UBA6: variants seen among roughly 807,000 people sequenced by gnomAD.
The protein encoded by UBA6 is ubiquitin like modifier activating enzyme 6.
A neutral mutation model predicts 148.3 loss-of-function variants in UBA6; 87 were observed. The ratio of observed to expected loss-of-function variants is 0.59; its 90% CI spans 0.49 to 0.70. The LOEUF is 0.70. Among genes scored for constraint, UBA6 ranks in the 30% least tolerant of loss-of-function variants. The probability of loss-of-function intolerance (pLI) is 0.00; values close to 1 mark genes in which losing one functional copy is unlikely to be tolerated. For synonymous variants in UBA6, 376 were observed against 401.0 expected (o/e 0.94, Z 0.75); for missense variants, 1,186 against 1,241.2 (o/e 0.96, Z 0.67).
chr4:67,632,728 C>T (rs964652349), intron 23 of UBA6, among the ~76,000 whole-genome samples: 3 of 152,140 alleles, frequency 2.0e-5, no homozygotes, highest in Non-Finnish European at 2.9e-5. Context: ...GGTGTGGTGG[C>T]GTGCACATGC....
intron 29 of UBA6, 74 bp downstream of exon 29, chr4:67,624,920 G>T: frequency 8.1e-7 from 1 of 1,231,002 alleles, no homozygotes. Flanking sequence ...TGAGTGACTG[G>T]GTTGGTATGA....
chr4:67,695,360 T>C (rs1205616406), intron 2 of UBA6, among the ~76,000 whole-genome samples: 2 of 152,234 alleles, frequency 1.3e-5, no homozygotes, highest in African/African-American at 2.4e-5. Flanking sequence ...TAGAATGTTC[T>C]TTCTTAAAAA....
chr4:67,639,157 T>C (rs749640153), intron 18 of UBA6, 33 bp from the exon 19 acceptor site: 4 of 1,532,648 alleles, frequency 2.6e-6, no homozygotes, highest in Non-Finnish European at 3.5e-6. Flanking sequence ...AGGAATATGT[T>C]AAACAACAAA....
rs541837641 is a variant in UBA6 at position 67,670,802 on chromosome 4, T to C, written c.547-210A>G. Among the ~76,000 whole-genome samples, 3 of 151,832 alleles carry C rather than the reference T, an allele frequency of 2.0e-5. No individual in the cohort carries two copies. The East Asian group carries it at 5.8e-4, about 29-fold the overall frequency. ...ACTTTTAGTAAATGGATGTCCAGTA[T>C]AACAAAATTAGAATATCAGCATATC... On this transcript the variant is annotated intron_variant, in intron 7 of 32. Transcript: ENST00000322244.
chr4:67,637,502 A>G (rs1231903926), intron 19 of UBA6, among the ~76,000 whole-genome samples: 2 of 152,000 alleles, frequency 1.3e-5, no homozygotes, highest in African/African-American at 4.8e-5. Context: ...AAAGGGGGAA[A>G]TGTGGGGAAA....
Position 67,662,216 on chromosome 4 carries a change from T to C in UBA6, c.1077A>G (p.Thr359=). The change falls in exon 13 of 33, where the codon ACA becomes ACG. Residue 359 remains threonine, a synonymous_variant. Transcript: ENST00000322244. ...TCTCTTCCAAGGTTTCACTTATAGA[T>C]GTTGCTAGTTTCAACAGTTCTTCTG... ...QDSEELLKLA[T]SISETLEEKP... 4.3e-6 allele frequency: 7 copies of C among 1,613,736 alleles called. No homozygotes were observed. The highest frequency in any genetic ancestry group is 5.9e-6 in the Non-Finnish European group (7 of 1,179,854).
At chr4:67,626,119 A>G (rs1728861684) in intron 28 of UBA6, among the ~76,000 whole-genome samples, 2 of 151,956 alleles carry the variant, frequency 1.3e-5, no homozygotes, top group African/African-American at 4.8e-5. Flanking sequence ...AAACAACAAC[A>G]ATGCAGTTAA....
At chr4:67,688,567 A>G (rs1440621101) in intron 2 of UBA6, among the ~76,000 whole-genome samples, 2 of 152,150 alleles carry the variant, frequency 1.3e-5, no homozygotes, top group Admixed American at 6.5e-5. Flanking sequence ...CATCAGAGTC[A>G]GTCCAAAATA....
intron 17 of UBA6, among the ~76,000 whole-genome samples, chr4:67,643,857 A>G (rs928684181): frequency 6.6e-6 from 1 of 152,086 alleles, no homozygotes; most frequent in Non-Finnish European, 1.5e-5. Flanking sequence ...AAGGAGTTAA[A>G]GCATTTAGGT....
intron 2 of UBA6, among the ~76,000 whole-genome samples, chr4:67,683,831 G>C (rs1730497323): frequency 6.6e-6 from 1 of 152,124 alleles, no homozygotes; most frequent in Non-Finnish European, 1.5e-5. Flanking sequence ...CCAGCACTTT[G>C]GGAGGCCTAC....
chr4:67,639,707 A>G (rs980227210), intron 18 of UBA6, among the ~76,000 whole-genome samples: 18 of 152,184 alleles, frequency 1.2e-4, no homozygotes, highest in African/African-American at 4.3e-4. Flanking sequence ...CCCTATATAT[A>G]CTATGTATTT....
rs773857418 is a variant in UBA6 at position 67,663,226 on chromosome 4, C to T, written c.961-11G>A. The T allele has an allele frequency of 1.2e-5, 19 of 1,594,968 alleles. No individual in the cohort carries two copies. Among genetic ancestry groups the T allele is most frequent in the Admixed American group, 3.6e-5 (2 of 56,284 alleles). On this transcript the variant is annotated splice_polypyrimidine_tract_variant and intron_variant, in intron 11 of 32. Transcript: ENST00000322244. ...AATCTCTAAAGGTGCCTATTGAGAA[C>T]ATTAAAAATCGGCCAACATTTACTG...
chr4:67,639,195 C>A, intron 18 of UBA6, 71 bp from the exon 19 acceptor site: 1 of 1,209,892 alleles, frequency 8.3e-7, no homozygotes, highest in Non-Finnish European at 1.1e-6. Flanking sequence ...TCTATATATT[C>A]CAGAGTGATA....
chr4:67,690,214 TG>T (rs1183970448), intron 2 of UBA6, among the ~76,000 whole-genome samples: 1 of 152,092 alleles, frequency 6.6e-6, no homozygotes, highest in Admixed American at 6.6e-5. Flanking sequence ...AAAAGGTGGT[TG>T]GGGCCTTCAA....
Position 67,625,090 on chromosome 4 carries a change from C to T in UBA6, c.2616G>A (p.Met872Ile). ...ITAASNLRAK[M>I]YSIEPADRFK... The stretch of plus-strand genomic sequence containing the variant: ...AACGGTCAGCTGGTTCAATGCTGTA[C>T]ATTTTGGCACGAAGATTTGATGCAG... The change falls in exon 29 of 33, where the codon ATG becomes ATA. Residue 872 changes from methionine to isoleucine, a missense_variant. Coordinates refer to ENST00000322244, the MANE Select transcript of UBA6 (RefSeq NM_018227.6). The T allele has an allele frequency of 6.2e-7, 1 of 1,613,492 alleles. No individual in the cohort carries two copies. The highest frequency in any genetic ancestry group is 8.5e-7 in the Non-Finnish European group (1 of 1,179,552).
In UBA6 at chr4:67,616,656, A is replaced by G. The variant is rs892961406; in HGVS notation, c.*2341T>C. The G allele has an allele frequency of 6.6e-6, 1 of 152,192 alleles. No homozygotes were observed. Among genetic ancestry groups the G allele is most frequent in the Non-Finnish European group, 1.5e-5 (1 of 68,040 alleles). The allele number at this position is 152,192 out of a possible 1,614,324, so 9.4% of individuals were successfully genotyped here. A position where few individuals can be genotyped will look rare whatever the true frequency, so the allele number is the denominator to read the frequency against. On this transcript the variant is annotated 3_prime_UTR_variant, in exon 33 of 33. Transcript: ENST00000322244. ...TCCTGGAGCCATCTGAGGACATTTG[A>G]GGTAATGTCCTTCCACACCTAATAA...
intron 19 of UBA6, among the ~76,000 whole-genome samples, chr4:67,637,250 G>A (rs1261099113): frequency 2.0e-5 from 3 of 149,610 alleles, no homozygotes; most frequent in East Asian, 2.0e-4. Context: ...CTGGCCAGCC[G>A]CCCAGCCCTG....
chr4:67,672,898 C>T (rs886084539), intron 7 of UBA6, among the ~76,000 whole-genome samples: 2 of 152,174 alleles, frequency 1.3e-5, no homozygotes, highest in Admixed American at 6.5e-5. Flanking sequence ...CTTCTCCCTA[C>T]ATCATGCAGA....
chr4:67,627,954 CA>C, intron 27 of UBA6, among the ~76,000 whole-genome samples: 1 of 90,912 alleles, frequency 1.1e-5, no homozygotes, highest in Non-Finnish European at 2.3e-5. Context: ...TTTTTTTTTT[CA>C]ATGTATTTGC....
Sources: gnomAD v4.1 joint callset for allele counts (sites outside exome capture counted in the v4.1 genomes callset) on GRCh38, gnomAD v4.1.1 for gene constraint, MANE v1.5 for transcripts, NCBI Gene and HGNC (gene_info 2026-07-23, HGNC 2026-07-21) for gene names.